BCL11B: variants seen among roughly 807,000 people sequenced by gnomAD.
The protein encoded by BCL11B is B-cell lymphoma/leukemia 11B.
A neutral mutation model predicts 49.9 loss-of-function variants in BCL11B; 8 were observed. The observed-to-expected ratio is 0.16, with a 90% CI of 0.09 to 0.29. The LOEUF (loss-of-function observed/expected upper bound fraction) is 0.29. Ranked by LOEUF, BCL11B falls within the 10% of genes least tolerant of loss-of-function variation. The pLI is 1.00. For missense variants in BCL11B, 1,006 were observed against 1,351.0 expected, an observed-to-expected ratio of 0.74 and a Z score of 4.00; for synonymous variants, 739 against 637.4, an observed-to-expected ratio of 1.16 and a Z score of -2.40.
rs540627185 is a variant in BCL11B at position 99,267,554 on chromosome 14, C to A, written c.58+3607G>T. 3.6e-3 allele frequency among the ~76,000 whole-genome samples: 501 copies of A among 139,396 alleles called. 4 individuals carry two copies. Among genetic ancestry groups the A allele is most frequent in the African/African-American group, 0.013 (480 of 37,252 alleles). 91.4% of individuals were successfully genotyped at this position (139,396 alleles called of 152,430 possible). ...AGGGAGAGGAACTTCACCCCCCCCC[C>A]ACCAACTAACCAAAAAAAAAAAAAG... is the stretch of plus-strand genomic sequence containing the variant. On this transcript the variant is annotated intron_variant, in intron 1 of 3. Transcript: ENST00000357195.
intron 3 of BCL11B, among the ~76,000 whole-genome samples, chr14:99,222,836 C>CCTTT (rs34988198): frequency 0.14 from 20,489 of 151,326 alleles, 1,399 homozygotes; most frequent in South Asian, 0.17. Context: ...TCTTTATTTC[C>CCTTT]CTTTCTTTCT....
chr14:99,231,386 C>A lies in BCL11B; in HGVS notation c.599G>T (p.Gly200Val). Residue 200 changes from glycine to valine, a missense_variant, in exon 3 of 4, where the codon GGT becomes GTT. Gly to Val is a moderately radical substitution (Grantham distance 109, BLOSUM62 -3). This residue lies in a region of BCL11B where 411 missense variants were observed against 542.2 expected (regional missense o/e 0.76). Transcript: ENST00000357195. This position sits in a 1 kb window ranked among gnomAD's most constrained non-coding sequence, Gnocchi z 8.1. ...GCATCCAAAGGGAGCCTCCGTCTGA[C>A]CCTCACCCTGAGTCCCGTCACCCGA... ...PVSGDGTQGE[G>V]QTEAPFGCQC... The A allele has an allele frequency of 6.2e-7, 1 of 1,604,744 alleles. No homozygotes were observed. Among genetic ancestry groups the A allele is most frequent in the Non-Finnish European group, 8.5e-7 (1 of 1,175,858 alleles).
At chr14:99,207,113 C>T (rs945417957) in intron 3 of BCL11B, among the ~76,000 whole-genome samples, 8 of 152,184 alleles carry the variant, frequency 5.3e-5, no homozygotes, top group Non-Finnish European at 1.0e-4. Flanking sequence ...GAGGTAAATT[C>T]TAGGTTTTTA....
At position 99,231,719 on chromosome 14, in the gene BCL11B, A is replaced by T. The variant is rs1251992848; in HGVS notation, c.428-162T>A. On this transcript the variant is annotated intron_variant, in intron 2 of 3. Coordinates refer to ENST00000357195, the MANE Select transcript of BCL11B (RefSeq NM_138576.4). The surrounding 1 kb of genome is among the most constrained non-coding windows in gnomAD (Gnocchi z 8.1). ...CCTGCAGGGAAGGCAATCGGGACAC[A>T]GGCGAGGGAATGGGCTCGGGGAGGT... 6.9e-6 allele frequency among the ~76,000 whole-genome samples: 1 copy of T among 143,942 alleles called. No individual in the cohort carries two copies. The highest frequency in any genetic ancestry group is 2.2e-4 in the East Asian group (1 of 4,448). The allele number at this position is 143,942 out of a possible 152,430, so 94.4% of individuals were successfully genotyped here. A position where few individuals can be genotyped will look rare whatever the true frequency, so the allele number is the denominator to read the frequency against.
chr14:99,263,827 C>A lies in BCL11B; in HGVS notation c.59-5988G>T, dbSNP rs549087659. 2.0e-5 allele frequency among the ~76,000 whole-genome samples: 3 copies of A among 152,166 alleles called. No homozygotes were observed. In the South Asian group the frequency reaches 6.2e-4, roughly 32 times the overall value. On this transcript the variant is annotated intron_variant, in intron 1 of 3. Coordinates refer to ENST00000357195, the MANE Select transcript of BCL11B (RefSeq NM_138576.4). ...AAACTGAGCCCAGGAGCCTGGGTCTCCCCAGCACAAGAGCAGAAAAAAGAA... is the reference window on the plus strand; with the variant it reads ...AAACTGAGCCCAGGAGCCTGGGTCTACCCAGCACAAGAGCAGAAAAAAGAA...
chr14:99,200,984 G>A (rs1887363844), intron 3 of BCL11B, among the ~76,000 whole-genome samples: 1 of 152,174 alleles, frequency 6.6e-6, no homozygotes, highest in Non-Finnish European at 1.5e-5. Context: ...TGCTGGCTTG[G>A]GGAAGTGGCA....
At position 99,248,462 on chromosome 14, in the gene BCL11B, G is replaced by A. The variant is rs1050311527; in HGVS notation, c.427+9009C>T. 1.3e-5 allele frequency among the ~76,000 whole-genome samples: 2 copies of A among 152,096 alleles called. No individual in the cohort carries two copies. Among genetic ancestry groups the A allele is most frequent in the Non-Finnish European group, 2.9e-5 (2 of 68,018 alleles). On this transcript the variant is annotated intron_variant, in intron 2 of 3. Coordinates refer to ENST00000357195, the MANE Select transcript of BCL11B (RefSeq NM_138576.4). This position sits in a 1 kb window ranked among gnomAD's most constrained non-coding sequence, Gnocchi z 4.7. ...GGCCAGGGTGGGTCCAGATCTTGCAGGGCCCGAGGTTTATACAATTCAGGG... is the reference window on the plus strand; with the variant it reads ...GGCCAGGGTGGGTCCAGATCTTGCAAGGCCCGAGGTTTATACAATTCAGGG...
intron 3 of BCL11B, among the ~76,000 whole-genome samples, chr14:99,214,267 G>C (rs776835731): frequency 1.1e-4 from 16 of 152,122 alleles, no homozygotes; most frequent in Non-Finnish European, 7.3e-5. Flanking sequence ...CTGAATCCAG[G>C]TGTGGCCAGG....
chr14:99,208,144 A>G (rs1481582669), intron 3 of BCL11B, among the ~76,000 whole-genome samples: 1 of 152,172 alleles, frequency 6.6e-6, no homozygotes, highest in African/African-American at 2.4e-5. Context: ...TGAGGAGTCT[A>G]CTTTCCCACA....
intron 3 of BCL11B, among the ~76,000 whole-genome samples, chr14:99,197,080 G>A (rs1887199067): frequency 6.6e-6 from 1 of 152,192 alleles, no homozygotes; most frequent in African/African-American, 2.4e-5. Flanking sequence ...TTTTGTTACA[G>A]GTGAAGGAAC....
intron 1 of BCL11B, among the ~76,000 whole-genome samples, chr14:99,260,033 C>T (rs1182153592): frequency 6.6e-6 from 1 of 152,156 alleles, no homozygotes; most frequent in Admixed American, 6.5e-5. Context: ...AAGGAGAGCA[C>T]TGTAAAAACA....
rs140117261 is a variant in BCL11B, at chr14:99,232,159, G to A, written c.428-602C>T. 4.1e-3 allele frequency among the ~76,000 whole-genome samples: 623 copies of A among 152,196 alleles called. 5 individuals carry two copies. The highest frequency in any genetic ancestry group is 0.014 in the African/African-American group (591 of 41,540). On this transcript the variant is annotated intron_variant, in intron 2 of 3. Transcript: ENST00000357195. The surrounding 1 kb of genome is among the most constrained non-coding windows in gnomAD (Gnocchi z 5.1). ...GCACTGAGCGTGCTGCACCCAAAAC[G>A]CAATGCCCTTCAGAAGGCTTTCACA...
chr14:99,226,761 T>C (rs539796500), intron 3 of BCL11B, among the ~76,000 whole-genome samples: 121 of 152,284 alleles, frequency 7.9e-4, no homozygotes, highest in African/African-American at 2.5e-3. Context: ...TGGGATATAA[T>C]TGAAGGAGGA....
chr14:99,272,119 C>T lies in BCL11B; in HGVS notation c.-901G>A, dbSNP rs977255500. The stretch of plus-strand genomic sequence containing the variant: ...CCCAGTGCGCCTGGGTCGGTGCGGG[C>T]GCAGACTGGGAGCTATAGATTGCAA... On this transcript the variant is annotated 5_prime_UTR_variant, in exon 1 of 4. Transcript: ENST00000357195. The surrounding 1 kb of genome is among the most constrained non-coding windows in gnomAD (Gnocchi z 6.0). Among the ~76,000 whole-genome samples the T allele has an allele frequency of 2.0e-5, 3 of 151,998 alleles. No individual in the cohort carries two copies. The highest frequency in any genetic ancestry group is 4.4e-5 in the Non-Finnish European group (3 of 67,986).
chr14:99,185,992 A>G (rs1205419501), intron 3 of BCL11B, among the ~76,000 whole-genome samples: 1 of 152,226 alleles, frequency 6.6e-6, no homozygotes, highest in Non-Finnish European at 1.5e-5. Flanking sequence ...ACTCTGTGCC[A>G]GGCCCTATGC....
chr14:99,188,305 A>T (rs1267047835), intron 3 of BCL11B, among the ~76,000 whole-genome samples: 1 of 151,868 alleles, frequency 6.6e-6, no homozygotes, highest in Non-Finnish European at 1.5e-5. Context: ...GAATGGGGGG[A>T]ACACTGTTTG....
chr14:99,171,232 A>T lies in BCL11B; in HGVS notation c.*2919T>A, dbSNP rs1300145603. 4.4e-6 allele frequency: 1 copy of T among 227,892 alleles called. No individual in the cohort carries two copies. Among genetic ancestry groups the T allele is most frequent in the African/African-American group, 2.2e-5 (1 of 45,030 alleles). The allele number at this position is 227,892 out of a possible 1,614,324, so 14.1% of individuals were successfully genotyped here. A position where few individuals can be genotyped will look rare whatever the true frequency, so the allele number is the denominator to read the frequency against. ...CTGTGTAGGCCAATTCCGACAAAAA[A>T]TATATACAACTAAATGATTTGTGAA... On this transcript the variant is annotated 3_prime_UTR_variant, in exon 4 of 4. Transcript: ENST00000357195.
chr14:99,183,697 C>T (rs1017333316), intron 3 of BCL11B, among the ~76,000 whole-genome samples: 1 of 152,034 alleles, frequency 6.6e-6, no homozygotes, highest in Non-Finnish European at 1.5e-5. Context: ...ACTGGGTACA[C>T]GGGAGGTGAC....
In BCL11B at chr14:99,231,990, C is replaced by G. The variant is rs1278015498; in HGVS notation, c.428-433G>C. ...AGAGCTGGGAAGCTCACAGCCTCCCCTGTTTGCTGTATCAGGATGGGCTGT... is the reference window on the plus strand; with the variant it reads ...AGAGCTGGGAAGCTCACAGCCTCCCGTGTTTGCTGTATCAGGATGGGCTGT... On this transcript the variant is annotated intron_variant, in intron 2 of 3. Transcript: ENST00000357195. The surrounding 1 kb of genome is among the most constrained non-coding windows in gnomAD (Gnocchi z 8.1). 6.6e-6 allele frequency among the ~76,000 whole-genome samples: 1 copy of G among 152,096 alleles called. No homozygotes were observed. The highest frequency in any genetic ancestry group is 2.4e-5 in the African/African-American group (1 of 41,428).
Sources: allele counts gnomAD v4.1 joint callset (sites outside exome capture counted in the v4.1 genomes callset), GRCh38; gene constraint gnomAD v4.1.1; regional missense constraint gnomAD v4.1.1; non-coding constraint Gnocchi (gnomAD v3.1); transcripts MANE v1.5; gene names NCBI Gene and HGNC (gene_info 2026-07-23, HGNC 2026-07-21).